UQCRH: variants seen among roughly 807,000 people sequenced by gnomAD.
UQCRH encodes the protein ubiquinol-cytochrome c reductase hinge protein.
In UQCRH, 14 loss-of-function variants were observed where a neutral mutation model predicts 16.3. The ratio of observed to expected loss-of-function variants is 0.86; its 90% CI spans 0.57 to 1.34. UQCRH has a LOEUF of 1.34. Ranked by LOEUF, UQCRH falls within the 40% of genes most tolerant of loss-of-function variation. The pLI is 0.00. For missense variants in UQCRH, 89 were observed against 111.9 expected (o/e 0.80, Z 0.92); for synonymous variants, 41 against 41.9 (o/e 0.98, Z 0.08).
Position 46,309,952 on chromosome 1 carries a change from C to T in UQCRH, c.82-203C>T, listed in dbSNP as rs76150766. ...AACCTTGGAAGGCAGGAATGTGAAA[C>T]TTTTCCCTACTACTTAGCATCAGAA... On this transcript the variant is annotated intron_variant, in intron 2 of 3. Transcript: ENST00000311672. 1.4e-3 allele frequency: 1,954 copies of T among 1,446,546 alleles called. 6 individuals carry two copies. The highest frequency in any genetic ancestry group is 1.7e-3 in the Non-Finnish European group (1,854 of 1,105,224). 89.6% of individuals were successfully genotyped at this position (1,446,546 alleles called of 1,614,324 possible). A position where few individuals can be genotyped will look rare whatever the true frequency, so the allele number is the denominator to read the frequency against.
intron 3 of UQCRH, among the ~76,000 whole-genome samples, chr1:46,314,468 C>G (rs902116232): frequency 2.0e-5 from 3 of 151,570 alleles, no homozygotes; most frequent in Non-Finnish European, 4.4e-5. Flanking sequence ...GTCCGGAGTT[C>G]GAGACCAGCT....
intron 1 of UQCRH, among the ~76,000 whole-genome samples, chr1:46,306,784 A>G (rs960151209): frequency 4.6e-5 from 7 of 152,352 alleles, no homozygotes; most frequent in Admixed American, 1.3e-4. Context: ...AATTGTGAGA[A>G]TAAATAGCCT....
At chr1:46,307,092 C>T (rs994952851) in intron 1 of UQCRH, among the ~76,000 whole-genome samples, 7 of 152,156 alleles carry the variant, frequency 4.6e-5, no homozygotes, top group Non-Finnish European at 1.0e-4. Flanking sequence ...GTCGCCCAGG[C>T]TGGAGTGCAG....
chr1:46,316,157 T>G (rs1313931644), intron 3 of UQCRH, among the ~76,000 whole-genome samples: 1 of 152,214 alleles, frequency 6.6e-6, no homozygotes, highest in East Asian at 1.9e-4. Flanking sequence ...GTAAGTTTCT[T>G]AAGTGGCAGG....
chr1:46,304,556 TTG>T (rs575132968), intron 1 of UQCRH, among the ~76,000 whole-genome samples: 135 of 152,116 alleles, frequency 8.9e-4, no homozygotes, highest in African/African-American at 3.0e-3. Context: ...TGGCTAATTT[TTG>T]TGTTTTTAGT....
chr1:46,312,601 G>A (rs950901568), intron 3 of UQCRH, among the ~76,000 whole-genome samples: 1 of 151,848 alleles, frequency 6.6e-6, no homozygotes, highest in African/African-American at 2.4e-5. Flanking sequence ...AGTGGCTGAC[G>A]CTTATGATCC....
chr1:46,307,473 G>A (rs920963072), intron 1 of UQCRH, among the ~76,000 whole-genome samples: 3 of 152,150 alleles, frequency 2.0e-5, no homozygotes, highest in East Asian at 3.8e-4. Flanking sequence ...TATTTCCCTA[G>A]ATACCTTTTC....
chr1:46,311,436 G>A (rs1038426621), intron 3 of UQCRH, among the ~76,000 whole-genome samples: 2 of 150,882 alleles, frequency 1.3e-5, no homozygotes, highest in Admixed American at 1.3e-4. Flanking sequence ...AATTAGCCGG[G>A]CGTGGTGGCG....
At chr1:46,312,325 G>C (rs935010529) in intron 3 of UQCRH, among the ~76,000 whole-genome samples, 13 of 151,426 alleles carry the variant, frequency 8.6e-5, no homozygotes, top group Non-Finnish European at 1.8e-4. Flanking sequence ...GGCTGGTCTT[G>C]AACTCCTGAC....
intron 3 of UQCRH, among the ~76,000 whole-genome samples, chr1:46,315,321 A>G (rs575891250): frequency 9.9e-5 from 15 of 152,210 alleles, no homozygotes; most frequent in African/African-American, 3.6e-4. Context: ...GCACATGCCT[A>G]TAATCCCAGC....
chr1:46,306,399 T>G (rs2148332694), intron 1 of UQCRH, among the ~76,000 whole-genome samples: 1 of 148,976 alleles, frequency 6.7e-6, no homozygotes, highest in East Asian at 1.9e-4. Flanking sequence ...TTTTTTTTTT[T>G]GTGACGGAGT....
rs1661443697 is a variant in UQCRH, at chr1:46,310,242, G to T, written c.169G>T (p.Val57Leu). The T allele has an allele frequency of 6.2e-7, 1 of 1,614,218 alleles. No individual in the cohort carries two copies. Among genetic ancestry groups the T allele is most frequent in the East Asian group, 2.2e-5 (1 of 44,882 alleles). ...RERLELCDER[V>L]SSRSHTEEDC... is the part of the protein sequence containing the mutation. ...GCGGCTAGAGCTCTGTGATGAGCGTGTATCCTCTCGATCACATACAGAAGA... is the reference window on the plus strand; with the variant it reads ...GCGGCTAGAGCTCTGTGATGAGCGTTTATCCTCTCGATCACATACAGAAGA... The change falls in exon 3 of 4, where the codon GTA becomes TTA. Residue 57 changes from valine to leucine, a missense_variant. Coordinates refer to ENST00000311672, the MANE Select transcript of UQCRH (RefSeq NM_006004.4).
chr1:46,311,952 G>T (rs1661487009), intron 3 of UQCRH, among the ~76,000 whole-genome samples: 1 of 139,684 alleles, frequency 7.2e-6, no homozygotes, highest in Admixed American at 7.1e-5. Context: ...TTGAGATAAG[G>T]TCTTGCTTGC....
intron 3 of UQCRH, among the ~76,000 whole-genome samples, chr1:46,311,559 C>T (rs747941595): frequency 3.3e-5 from 5 of 151,192 alleles, no homozygotes; most frequent in Non-Finnish European, 7.4e-5. Context: ...AATTTGTATC[C>T]TCAAATGTGT....
At chr1:46,310,897 C>A (rs897397004) in intron 3 of UQCRH, among the ~76,000 whole-genome samples, 23 of 151,760 alleles carry the variant, frequency 1.5e-4, no homozygotes, top group Non-Finnish European at 2.6e-4. Flanking sequence ...GAAACCCCGT[C>A]TCTACTAAAA....
intron 3 of UQCRH, among the ~76,000 whole-genome samples, chr1:46,312,798 G>A (rs1661504563): frequency 6.6e-6 from 1 of 152,012 alleles, no homozygotes; most frequent in South Asian, 2.1e-4. Flanking sequence ...CATAAGCAAA[G>A]TTTGATGTGG....
chr1:46,312,753 C>T (rs921848169), intron 3 of UQCRH, among the ~76,000 whole-genome samples: 4 of 151,962 alleles, frequency 2.6e-5, no homozygotes, highest in Admixed American at 1.3e-4. Context: ...TTGACTCTTA[C>T]ATATAACACA....
intron 1 of UQCRH, among the ~76,000 whole-genome samples, chr1:46,308,177 C>T (rs1338396120): frequency 6.6e-6 from 1 of 152,106 alleles, no homozygotes; most frequent in Non-Finnish European, 1.5e-5. Flanking sequence ...ACCTGGGATT[C>T]GTTTTAACCA....
At chr1:46,313,490 G>T (rs570893219) in intron 3 of UQCRH, among the ~76,000 whole-genome samples, 2 of 152,124 alleles carry the variant, frequency 1.3e-5, no homozygotes, top group Non-Finnish European at 2.9e-5. Flanking sequence ...TTAGCCGGGC[G>T]TGGTGGCGGG....
Sources: allele counts gnomAD v4.1 joint callset (sites outside exome capture counted in the v4.1 genomes callset), GRCh38; gene constraint gnomAD v4.1.1; transcripts MANE v1.5; gene names NCBI Gene and HGNC (gene_info 2026-07-23, HGNC 2026-07-21).